The following KAZN variants were observed in gnomAD, a reference collection of about 807,000 sequenced individuals.
KAZN encodes kazrin, periplakin interacting protein.
KAZN carries 40 observed loss-of-function variants against 87.4 expected under a neutral mutation model. That is an observed-to-expected ratio of 0.46 (90% confidence interval 0.36 to 0.60). The LOEUF is 0.60. Ranked by LOEUF, KAZN falls within the 20% of genes least tolerant of loss-of-function variation. KAZN has a pLI of 0.00. For missense variants in KAZN, 898 were observed against 1,073.9 expected (o/e 0.84, Z 2.29); for synonymous variants, 466 against 458.3 (o/e 1.02, Z -0.22).
At chr1:15,100,485 G>A (rs900114963) in intron 10 of KAZN, among the ~76,000 whole-genome samples, 3 of 152,288 alleles carry the variant, frequency 2.0e-5, no homozygotes, top group Non-Finnish European at 2.9e-5. Context: ...GTCAGACCTG[G>A]GGCATTTTGC....
At chr1:14,965,203 A>G (rs1039408712) in intron 2 of KAZN, among the ~76,000 whole-genome samples, 1 of 151,880 alleles carries the variant, frequency 6.6e-6, no homozygotes, top group South Asian at 2.1e-4. Flanking sequence ...ATTTTTTTGT[A>G]GAGACGGAGG....
At chr1:14,898,674 G>A (rs555200399) in intron 1 of KAZN, among the ~76,000 whole-genome samples, 2 of 152,308 alleles carry the variant, frequency 1.3e-5, no homozygotes, top group South Asian at 4.1e-4. Context: ...AAGGGGTGCA[G>A]GGCTGGAGGG....
At chr1:14,306,360 G>T (rs772830237) in intron 2 of KAZN, among the ~76,000 whole-genome samples, 4 of 152,134 alleles carry the variant, frequency 2.6e-5, no homozygotes, top group Admixed American at 6.5e-5. Context: ...AATGCAATTG[G>T]CCATTGCTTT....
At chr1:14,028,789 C>T (rs925284311) in intron 1 of KAZN, among the ~76,000 whole-genome samples, 5 of 152,136 alleles carry the variant, frequency 3.3e-5, no homozygotes, top group African/African-American at 4.8e-5. Flanking sequence ...CATGTCCCTA[C>T]AAAGGACATG....
intron 2 of KAZN, among the ~76,000 whole-genome samples, chr1:14,315,031 T>C (rs1441196324): frequency 3.9e-5 from 6 of 152,336 alleles, no homozygotes; most frequent in South Asian, 4.1e-4. Context: ...ATACATGCCA[T>C]TCTATGGATA....
intron 1 of KAZN, among the ~76,000 whole-genome samples, chr1:14,121,940 C>G (rs1644760472): frequency 6.6e-6 from 1 of 152,146 alleles, no homozygotes; most frequent in South Asian, 2.1e-4. Context: ...CTGGTGTGCT[C>G]AAGGAGCAGC....
chr1:14,157,905 A>G (rs1284074540), intron 1 of KAZN, among the ~76,000 whole-genome samples: 1 of 152,316 alleles, frequency 6.6e-6, no homozygotes, highest in African/African-American at 2.4e-5. Flanking sequence ...AAGGGGAAAG[A>G]GCCCTTATAA....
intron 2 of KAZN, among the ~76,000 whole-genome samples, chr1:14,369,648 A>G (rs998634744): frequency 1.3e-5 from 2 of 151,986 alleles, no homozygotes; most frequent in Non-Finnish European, 2.9e-5. Context: ...TTTAACAAAG[A>G]CACAGCACAT....
At chr1:14,498,915 G>A (rs1670095179) in intron 2 of KAZN, among the ~76,000 whole-genome samples, 1 of 152,108 alleles carries the variant, frequency 6.6e-6, no homozygotes, top group Admixed American at 6.5e-5. Flanking sequence ...CCTGGGGACA[G>A]TAACAGCTTC....
At chr1:14,074,017 G>A (rs1263330341) in intron 1 of KAZN, among the ~76,000 whole-genome samples, 1 of 152,132 alleles carries the variant, frequency 6.6e-6, no homozygotes, top group Non-Finnish European at 1.5e-5. Flanking sequence ...TGCTGGTCCA[G>A]TCCGGCCCTC....
intron 1 of KAZN, among the ~76,000 whole-genome samples, chr1:13,992,351 C>T (rs1477673002): frequency 6.6e-6 from 1 of 152,134 alleles, no homozygotes; most frequent in Non-Finnish European, 1.5e-5. Flanking sequence ...TCATCTCTTC[C>T]ATTCCTATTT....
chr1:14,370,038 G>A (rs1181303220), intron 2 of KAZN, among the ~76,000 whole-genome samples: 1 of 152,176 alleles, frequency 6.6e-6, no homozygotes, highest in Admixed American at 6.5e-5. Context: ...CCCCTCTCCA[G>A]CCCACAATCA....
At chr1:14,622,643 A>C (rs1338090875) in intron 1 of KAZN, among the ~76,000 whole-genome samples, 1 of 148,064 alleles carries the variant, frequency 6.8e-6, no homozygotes, top group African/African-American at 2.5e-5. Flanking sequence ...GGGAGCGGAG[A>C]TCGACCACTG....
In KAZN at chr1:14,472,090, A is replaced by G. The variant is rs1179928268; in HGVS notation, c.250-126893A>G. ...GATGGCACTTTCTTGCTGCTTACTC[A>G]CATGGCAGAAGGGTGAACAAGATTC... is the stretch of plus-strand genomic sequence containing the variant. On this transcript the variant is annotated intron_variant, in intron 2 of 16. Transcript: ENST00000636203. 2.6e-5 allele frequency among the ~76,000 whole-genome samples: 4 copies of G among 152,188 alleles called. No homozygotes were observed. The East Asian group carries it at 7.7e-4, about 29-fold the overall frequency.
At chr1:14,680,956 A>G (rs969222602) in intron 1 of KAZN, among the ~76,000 whole-genome samples, 1 of 152,220 alleles carries the variant, frequency 6.6e-6, no homozygotes, top group African/African-American at 2.4e-5. Flanking sequence ...GGAGGGCCTC[A>G]GGTAGCTTAC....
intron 1 of KAZN, among the ~76,000 whole-genome samples, chr1:14,098,896 C>A (rs982676894): frequency 3.3e-5 from 5 of 152,184 alleles, no homozygotes; most frequent in African/African-American, 1.2e-4. Flanking sequence ...TGTTGGCACC[C>A]ACACACATGG....
chr1:14,524,869 G>A (rs1671781176), intron 2 of KAZN, among the ~76,000 whole-genome samples: 1 of 152,136 alleles, frequency 6.6e-6, no homozygotes, highest in Non-Finnish European at 1.5e-5. Context: ...AAGCCCATAA[G>A]GAAAACAGAA....
intron 1 of KAZN, among the ~76,000 whole-genome samples, chr1:14,766,417 G>A (rs999635290): frequency 5.3e-5 from 8 of 151,990 alleles, no homozygotes; most frequent in Admixed American, 2.6e-4. Context: ...AGCCACCAGT[G>A]TTTGCAAAAA....
chr1:14,627,758 G>A (rs970374486), intron 1 of KAZN, among the ~76,000 whole-genome samples: 28 of 152,270 alleles, frequency 1.8e-4, no homozygotes, highest in African/African-American at 5.8e-4. Context: ...CATAACCCCC[G>A]ACCGCCAAAC....
Sources: gnomAD v4.1 joint callset for allele counts (sites outside exome capture counted in the v4.1 genomes callset) on GRCh38, gnomAD v4.1.1 for gene constraint, MANE v1.5 for transcripts, NCBI Gene and HGNC (gene_info 2026-07-23, HGNC 2026-07-21) for gene names.